The following CA10 variants were observed in gnomAD, a reference collection of about 807,000 sequenced individuals.
The protein encoded by CA10 is carbonic anhydrase-related protein 10.
A neutral mutation model predicts 44.2 loss-of-function variants in CA10; 14 were observed. The ratio of observed to expected loss-of-function variants is 0.32; its 90% CI spans 0.21 to 0.50. The LOEUF (loss-of-function observed/expected upper bound fraction) is 0.50, where lower values mean the gene tolerates loss of function less well. Among genes scored for constraint, CA10 ranks in the 20% least tolerant of loss-of-function variants. CA10 has a pLI of 0.99. For synonymous variants in CA10, 159 were observed against 141.6 expected, an observed-to-expected ratio of 1.12 and a Z score of -0.87; for missense variants, 350 against 409.7, an observed-to-expected ratio of 0.85 and a Z score of 1.26.
intron 3 of CA10, among the ~76,000 whole-genome samples, chr17:51,869,284 A>G (rs1979700397): frequency 6.6e-6 from 1 of 152,196 alleles, no homozygotes; most frequent in South Asian, 2.1e-4. Context: ...CAAATGGACC[A>G]GGAAAAGACC....
At chr17:51,963,909 C>G (rs985593960) in intron 2 of CA10, among the ~76,000 whole-genome samples, 1 of 152,050 alleles carries the variant, frequency 6.6e-6, no homozygotes, top group African/African-American at 2.4e-5. Flanking sequence ...AAAAATCTTG[C>G]ATATCAATAT....
At chr17:52,082,685 T>G (rs574095788) in intron 1 of CA10, among the ~76,000 whole-genome samples, 33 of 152,308 alleles carry the variant, frequency 2.2e-4, no homozygotes, top group African/African-American at 7.7e-4. Flanking sequence ...AAAGTATAAA[T>G]TATTATTTCT....
At position 51,668,935 on chromosome 17, in the gene CA10, C is replaced by T. The variant is rs574224752; in HGVS notation, c.466-15199G>A. The stretch of plus-strand genomic sequence containing the variant: ...CCTGGGCCAGCAGCTGTGGAGGGGG[C>T]GCCAGGTCCCCCAGCACTGCTGGCC... On this transcript the variant is annotated intron_variant, in intron 4 of 8. Transcript: ENST00000451037. 1.6e-4 allele frequency among the ~76,000 whole-genome samples: 25 copies of T among 152,322 alleles called. 1 individual carries two copies. The South Asian group carries it at 1.9e-3, about 11-fold the overall frequency.
intron 3 of CA10, among the ~76,000 whole-genome samples, chr17:51,878,635 C>T (rs1980197209): frequency 6.6e-6 from 1 of 151,554 alleles, no homozygotes. Context: ...AATCTTTGAT[C>T]CATTATCTTC....
chr17:51,946,021 C>G (rs1983259385), intron 2 of CA10, among the ~76,000 whole-genome samples: 1 of 152,072 alleles, frequency 6.6e-6, no homozygotes, highest in Non-Finnish European at 1.5e-5. Flanking sequence ...ATGGATGAAC[C>G]TGGGGGGCGG....
chr17:51,694,502 T>G (rs1655831678), intron 4 of CA10, among the ~76,000 whole-genome samples: 1 of 151,864 alleles, frequency 6.6e-6, no homozygotes, highest in Non-Finnish European at 1.5e-5. Context: ...GGGGTTTTTT[T>G]TTTTTTTTGC....
chr17:52,137,273 G>A (rs1481311805), intron 1 of CA10, among the ~76,000 whole-genome samples: 1 of 151,990 alleles, frequency 6.6e-6, no homozygotes, highest in Non-Finnish European at 1.5e-5. Context: ...TCTGCAGAAT[G>A]GGGAGAACAA....
intron 3 of CA10, among the ~76,000 whole-genome samples, chr17:51,911,886 T>G (rs543392407): frequency 1.3e-5 from 2 of 152,318 alleles, no homozygotes; most frequent in East Asian, 3.9e-4. Flanking sequence ...CAGTGCATAT[T>G]AATTGGGCAC....
chr17:51,893,749 T>C (rs1003608110), intron 3 of CA10, among the ~76,000 whole-genome samples: 2 of 152,180 alleles, frequency 1.3e-5, no homozygotes, highest in African/African-American at 4.8e-5. Flanking sequence ...CAGGCATAGA[T>C]ATGCTTGCCA....
chr17:51,633,120 G>A (rs1034700470), intron 8 of CA10, among the ~76,000 whole-genome samples: 1 of 152,134 alleles, frequency 6.6e-6, no homozygotes, highest in South Asian at 2.1e-4. Context: ...ATAAAAAGCT[G>A]TCTTGCCTGA....
chr17:52,009,958 T>C (rs991866691), intron 2 of CA10, among the ~76,000 whole-genome samples: 2 of 151,904 alleles, frequency 1.3e-5, no homozygotes, highest in Admixed American at 6.6e-5. Context: ...TAGACTATTC[T>C]CAAAATCAGA....
At chr17:51,875,437 G>A (rs1304841746) in intron 3 of CA10, among the ~76,000 whole-genome samples, 4 of 152,124 alleles carry the variant, frequency 2.6e-5, no homozygotes, top group Admixed American at 2.0e-4. Context: ...ACAATGGAAC[G>A]ACAAATACTT....
At chr17:51,634,851 A>G (rs1298240583) in intron 7 of CA10, among the ~76,000 whole-genome samples, 1 of 152,198 alleles carries the variant, frequency 6.6e-6, no homozygotes, top group Non-Finnish European at 1.5e-5. Context: ...GCATAATGAC[A>G]TCTTCCATTT....
chr17:51,863,622 T>C (rs987688479), intron 3 of CA10, among the ~76,000 whole-genome samples: 1 of 152,186 alleles, frequency 6.6e-6, no homozygotes, highest in Non-Finnish European at 1.5e-5. Flanking sequence ...TGGGCCACTG[T>C]CACTTTTGAT....
At chr17:51,719,082 T>C (rs577801667) in intron 4 of CA10, among the ~76,000 whole-genome samples, 3 of 152,250 alleles carry the variant, frequency 2.0e-5, no homozygotes, top group South Asian at 4.2e-4. Context: ...CACATCAGCA[T>C]GTGTGCAAAA....
intron 3 of CA10, among the ~76,000 whole-genome samples, chr17:51,929,888 AG>A (rs1484439981): frequency 6.6e-6 from 1 of 152,206 alleles, no homozygotes; most frequent in Non-Finnish European, 1.5e-5. Context: ...TATTTAAAAC[AG>A]TACACAAATA....
chr17:52,000,939 CA>C (rs1567915173), intron 2 of CA10, among the ~76,000 whole-genome samples: 1 of 151,868 alleles, frequency 6.6e-6, no homozygotes, highest in East Asian at 1.9e-4. Context: ...TTCTAAGCCT[CA>C]GCTTATTAAC....
intron 6 of CA10, among the ~76,000 whole-genome samples, chr17:51,636,858 C>T (rs1264917306): frequency 1.3e-5 from 2 of 151,090 alleles, no homozygotes; most frequent in Non-Finnish European, 2.9e-5. Context: ...TTCTCTTACA[C>T]CAATTTGAGG....
chr17:51,683,643 G>C (rs772794928), intron 4 of CA10, among the ~76,000 whole-genome samples: 3 of 152,188 alleles, frequency 2.0e-5, no homozygotes, highest in Non-Finnish European at 4.4e-5. Context: ...CAGCGTGGAT[G>C]ATGTGAAAAT....
Sources: gnomAD v4.1 joint callset for allele counts (sites outside exome capture counted in the v4.1 genomes callset) on GRCh38, gnomAD v4.1.1 for gene constraint, MANE v1.5 for transcripts, NCBI Gene and HGNC (gene_info 2026-07-23, HGNC 2026-07-21) for gene names.